The following CTCF variants were observed in gnomAD, a reference collection of about 807,000 sequenced individuals.
CTCF encodes the protein transcriptional repressor CTCF.
A neutral mutation model predicts 72.3 loss-of-function variants in CTCF; 7 were observed. That is an observed-to-expected ratio of 0.10 (90% CI 0.06 to 0.18). The LOEUF is 0.18. CTCF is among the 10% of genes least tolerant of loss of function. CTCF has a pLI of 1.00. For missense variants in CTCF, 516 were observed against 949.1 expected (o/e 0.54, Z 6.00); for synonymous variants, 374 against 315.8 (o/e 1.18, Z -1.95).
At chr16:67,571,353 A>G (rs961026478) in intron 2 of CTCF, 89 bp downstream of exon 2, 1 of 152,552 alleles carries the variant, frequency 6.6e-6, no homozygotes, top group Non-Finnish European at 1.5e-5. Context: ...ATTCTTGAAT[A>G]TAGGGGATGC....
Position 67,611,378 on chromosome 16 carries a change from A to G in CTCF, c.546A>G (p.Glu182=), listed in dbSNP as rs1462171740. The G allele has an allele frequency of 1.9e-6, 3 of 1,614,004 alleles. No homozygotes were observed. The highest frequency in any genetic ancestry group is 1.3e-5 in the African/African-American group (1 of 74,904). The change falls in exon 3 of 12, where the codon GAA becomes GAG. Residue 182 remains glutamate, a synonymous_variant. Coordinates refer to ENST00000264010, the MANE Select transcript of CTCF (RefSeq NM_006565.4). ...AGGTGGAGACACTAGAACAAGGGGA[A>G]CTTCCACCCCAGGAAGATCCTAGTT... The part of the protein sequence containing the change: ...NGEVETLEQG[E]LPPQEDPSWQ...
chr16:67,632,258 C>G (rs1355260848), intron 10 of CTCF, among the ~76,000 whole-genome samples: 1 of 152,174 alleles, frequency 6.6e-6, no homozygotes, highest in Non-Finnish European at 1.5e-5. Flanking sequence ...TCTCCTGATA[C>G]TGCCTTGTTC....
At chr16:67,601,864 A>ATTT (rs36009199) in intron 2 of CTCF, among the ~76,000 whole-genome samples, 6 of 135,070 alleles carry the variant, frequency 4.4e-5, no homozygotes, top group Non-Finnish European at 7.9e-5. Context: ...TTTACAAGCA[A>ATTT]TTTTTTTTTT....
intron 2 of CTCF, 85 bp from the exon 3 acceptor site, chr16:67,610,739 C>T: frequency 1.0e-6 from 1 of 999,960 alleles, no homozygotes; most frequent in Non-Finnish European, 1.4e-6. Flanking sequence ...ATTCATTCAC[C>T]AAAGGGTCTT....
chr16:67,595,439 T>C (rs183830910), intron 2 of CTCF, among the ~76,000 whole-genome samples: 2 of 152,324 alleles, frequency 1.3e-5, no homozygotes, highest in Admixed American at 1.3e-4. Context: ...AGAGAAGTCA[T>C]TTTTGTGGGG....
chr16:67,631,038 A>G (rs1392251471), intron 10 of CTCF, among the ~76,000 whole-genome samples: 2 of 152,038 alleles, frequency 1.3e-5, no homozygotes, highest in African/African-American at 4.8e-5. Flanking sequence ...GGGATTCTTC[A>G]TATTGTGTTT....
intron 5 of CTCF, among the ~76,000 whole-genome samples, chr16:67,617,529 A>C (rs1370303900): frequency 6.6e-6 from 1 of 151,912 alleles, no homozygotes; most frequent in Non-Finnish European, 1.5e-5. Context: ...TAAATAAATA[A>C]ATATTAGCTG....
chr16:67,580,973 C>T (rs1038180303), intron 2 of CTCF, among the ~76,000 whole-genome samples: 4 of 151,260 alleles, frequency 2.6e-5, no homozygotes, highest in Non-Finnish European at 4.4e-5. Flanking sequence ...CTTTCGCCCA[C>T]GCGGGAGTGC....
chr16:67,569,455 A>G (rs1186221141), intron 1 of CTCF, among the ~76,000 whole-genome samples: 4 of 152,074 alleles, frequency 2.6e-5, no homozygotes, highest in African/African-American at 9.7e-5. Context: ...AAGTGCTGGG[A>G]TTACAGGTGT....
chr16:67,569,754 C>T (rs997806639), intron 1 of CTCF, among the ~76,000 whole-genome samples: 3 of 150,874 alleles, frequency 2.0e-5, no homozygotes, highest in African/African-American at 7.3e-5. Flanking sequence ...GGCGCGATCT[C>T]GGCTCATTCC....
At chr16:67,624,214 C>T (rs1311334022) in intron 7 of CTCF, among the ~76,000 whole-genome samples, 1 of 151,400 alleles carries the variant, frequency 6.6e-6, no homozygotes, top group Non-Finnish European at 1.5e-5. Flanking sequence ...TGTCTTCACC[C>T]TCTAGGTTTA....
At chr16:67,597,836 A>C (rs1402639621) in intron 2 of CTCF, among the ~76,000 whole-genome samples, 1 of 152,208 alleles carries the variant, frequency 6.6e-6, no homozygotes, top group South Asian at 2.1e-4. Context: ...TTGTCTGCCT[A>C]TAGTAGTAAC....
At chr16:67,619,133 G>A (rs1367501657) in intron 5 of CTCF, among the ~76,000 whole-genome samples, 1 of 152,150 alleles carries the variant, frequency 6.6e-6, no homozygotes, top group Non-Finnish European at 1.5e-5. Context: ...TGAAAACTTG[G>A]TGTGTAACAC....
At chr16:67,585,319 G>C (rs1005852017) in intron 2 of CTCF, among the ~76,000 whole-genome samples, 1 of 152,116 alleles carries the variant, frequency 6.6e-6, no homozygotes, top group South Asian at 2.1e-4. Flanking sequence ...CAAAGTGCTG[G>C]GATTACAGGC....
intron 7 of CTCF, among the ~76,000 whole-genome samples, chr16:67,626,161 T>G (rs2052284470): frequency 6.6e-6 from 1 of 152,038 alleles, no homozygotes; most frequent in African/African-American, 2.4e-5. Flanking sequence ...AGAAATGGGC[T>G]GGGCGCAGTG....
chr16:67,579,877 A>G (rs549682537), intron 2 of CTCF, among the ~76,000 whole-genome samples: 142 of 152,272 alleles, frequency 9.3e-4, no homozygotes, highest in Middle Eastern at 3.4e-3. Context: ...CTGGCTACTG[A>G]AAGAAGTTCA....
At chr16:67,625,654 C>T (rs543050108) in intron 7 of CTCF, among the ~76,000 whole-genome samples, 1 of 152,298 alleles carries the variant, frequency 6.6e-6, no homozygotes, top group African/African-American at 2.4e-5. Flanking sequence ...ATCCTAACAA[C>T]TTGTACATTT....
At chr16:67,622,808 T>G (rs1243040990) in intron 7 of CTCF, among the ~76,000 whole-genome samples, 3 of 147,798 alleles carry the variant, frequency 2.0e-5, no homozygotes, top group Non-Finnish European at 3.0e-5. Context: ...CATGCCCGGC[T>G]AAATTTTTTT....
In CTCF at chr16:67,621,494, T is replaced by G; in HGVS notation, c.1260T>G (p.Gly420=). The G allele has an allele frequency of 6.2e-7, 1 of 1,612,340 alleles. No individual in the cohort carries two copies. The highest frequency in any genetic ancestry group is 8.5e-7 in the Non-Finnish European group (1 of 1,178,450). Residue 420 remains glycine, a synonymous_variant, in exon 7 of 12, where the codon GGT becomes GGG. Coordinates refer to ENST00000264010, the MANE Select transcript of CTCF (RefSeq NM_006565.4). The part of the protein sequence containing the change: ...YICHARFTQS[G]TMKMHILQKH... ...GTCATGCTCGGTTTACCCAAAGTGGTACCATGAAGATGCACATTTTACAGA... is the reference window on the plus strand; with the variant it reads ...GTCATGCTCGGTTTACCCAAAGTGGGACCATGAAGATGCACATTTTACAGA...
Sources: allele counts gnomAD v4.1 joint callset (sites outside exome capture counted in the v4.1 genomes callset), GRCh38; gene constraint gnomAD v4.1.1; transcripts MANE v1.5; gene names NCBI Gene and HGNC (gene_info 2026-07-23, HGNC 2026-07-21).